Variants in FLT1 observed in about 807,000 individuals in gnomAD.
FLT1 encodes vascular endothelial growth factor receptor 1.
In FLT1, 49 loss-of-function variants were observed where a neutral mutation model predicts 156.3. The observed-to-expected ratio is 0.31, with a 90% confidence interval of 0.25 to 0.40. The LOEUF is 0.40. FLT1 is among the 10% of genes least tolerant of loss of function. The pLI, the probability that FLT1 is intolerant of heterozygous loss-of-function variation, is 1.00. For missense variants in FLT1, 1,322 were observed against 1,637.2 expected (o/e 0.81, Z 3.32); for synonymous variants, 594 against 583.8 (o/e 1.02, Z -0.25).
Position 28,494,722 on chromosome 13 carries a change from G to T in FLT1, c.64+58C>A. ...ACCCCGCCCTGGCCTCGGAGGCTCT[G>T]CCCTCCGGCCGCCCCATCGCAGCCC... On this transcript the variant is annotated intron_variant, in intron 1 of 29. Transcript: ENST00000282397. 2.2e-6 allele frequency: 3 copies of T among 1,383,094 alleles called. No individual in the cohort carries two copies. The South Asian group carries it at 3.7e-5, about 17-fold the overall frequency. The allele number at this position is 1,383,094 out of a possible 1,614,324, so 85.7% of individuals were successfully genotyped here. A position where few individuals can be genotyped will look rare whatever the true frequency, so the allele number is the denominator to read the frequency against.
chr13:28,388,434 TG>T lies in FLT1; in HGVS notation c.1969+1361del, dbSNP rs1031593016. 2.9e-6 allele frequency: 3 copies of T among 1,050,252 alleles called. No individual in the cohort carries two copies. In the African/African-American group the frequency reaches 5.0e-5, roughly 18 times the overall value. The allele number at this position is 1,050,252 out of a possible 1,614,324, so 65.1% of individuals were successfully genotyped here. On this transcript the variant is annotated intron_variant, in intron 13 of 29. Coordinates refer to ENST00000282397, the MANE Select transcript of FLT1 (RefSeq NM_002019.4). ...GCCCAGCCACTGTGTTTCTCAGCCA[TG>T]GCTATTTTGGTCATTATAGTTTTTT...
Position 28,474,653 on chromosome 13 carries a change from A to C in FLT1, c.65-7036T>G, listed in dbSNP as rs118151392. On this transcript the variant is annotated intron_variant, in intron 1 of 29. Transcript: ENST00000282397. ...ACAGGAAGGTAGATTAGTGGTTGCC[A>C]GGGCTTGCGGGGAGGGGATGGAGGG... Among the ~76,000 whole-genome samples, 1,203 of 152,272 alleles carry C rather than the reference A, an allele frequency of 7.9e-3. 6 individuals are homozygous for C. Among genetic ancestry groups the C allele is most frequent in the Middle Eastern group, 0.02 (6 of 294 alleles).
chr13:28,468,296 T>C (rs756488770), intron 1 of FLT1, among the ~76,000 whole-genome samples: 32 of 152,184 alleles, frequency 2.1e-4, no homozygotes, highest in Non-Finnish European at 4.4e-4. Context: ...CACGCTTACG[T>C]GACATTCGAC....
intron 13 of FLT1, chr13:28,389,529 C>A: frequency 7.0e-7 from 1 of 1,425,706 alleles, no homozygotes; most frequent in Non-Finnish European, 9.1e-7. Context: ...CCCCCCGGAG[C>A]AGCCCCCTCG....
chr13:28,331,174 G>C (rs1871915968), intron 18 of FLT1, among the ~76,000 whole-genome samples: 1 of 152,226 alleles, frequency 6.6e-6, no homozygotes, highest in African/African-American at 2.4e-5. Context: ...AAGTGGGTTA[G>C]AGGTATGTGC....
chr13:28,389,537 T>C (rs973561468), intron 13 of FLT1: 2 of 1,431,460 alleles, frequency 1.4e-6, no homozygotes, highest in South Asian at 3.1e-5. Context: ...AGCAGCCCCC[T>C]CGGCCTGAAT....
At chr13:28,473,814 GAAAGAAAGAAAGAAAGA>G (rs1566050824) in intron 1 of FLT1, among the ~76,000 whole-genome samples, 13 of 129,228 alleles carry the variant, frequency 1.0e-4, no homozygotes, top group South Asian at 7.0e-4. Context: ...AAGAAAGAAA[GAAAGAAAGAAAGAAAGA>G]AAGAAAGGAA....
chr13:28,418,594 A>G (rs9285357), intron 10 of FLT1, among the ~76,000 whole-genome samples: 144,694 of 152,168 alleles, frequency 0.95, 69,090 homozygotes, highest in East Asian at 1. Flanking sequence ...TTATTTATTT[A>G]AGACAGGGTC....
chr13:28,472,795 G>C (rs1226066146), intron 1 of FLT1, among the ~76,000 whole-genome samples: 1 of 152,202 alleles, frequency 6.6e-6, no homozygotes, highest in African/African-American at 2.4e-5. Flanking sequence ...CAGGAGATTA[G>C]GGTTCGGTTT....
At chr13:28,460,989 GTTTCACTACGTTGCCCAGGC>G (rs1879544217) in intron 3 of FLT1, among the ~76,000 whole-genome samples, 1 of 151,968 alleles carries the variant, frequency 6.6e-6, no homozygotes, top group African/African-American at 2.4e-5. Flanking sequence ...TTGAGACAGG[GTTTCACTACGTTGCCCAGGC>G]TGGAGTACAG....
At chr13:28,343,392 C>T (rs1353549480) in intron 16 of FLT1, among the ~76,000 whole-genome samples, 5 of 151,904 alleles carry the variant, frequency 3.3e-5, no homozygotes, top group East Asian at 1.9e-4. Context: ...CCTCCGCCCC[C>T]GGGTCCAAAC....
chr13:28,432,233 C>A (rs116892862), intron 6 of FLT1, among the ~76,000 whole-genome samples: 7,616 of 150,012 alleles, frequency 0.051, 282 homozygotes, highest in South Asian at 0.11. Flanking sequence ...CTGTCCAGAA[C>A]TGATTTTTGG....
intron 24 of FLT1, 149 bp from the exon 25 acceptor site, chr13:28,317,746 T>C: frequency 1.5e-6 from 1 of 686,508 alleles, no homozygotes; most frequent in Admixed American, 2.1e-5. Context: ...CAACATACCG[T>C]ACAACACACA....
At chr13:28,355,600 C>T (rs879772382) in intron 15 of FLT1, among the ~76,000 whole-genome samples, 12 of 152,204 alleles carry the variant, frequency 7.9e-5, no homozygotes, top group Admixed American at 2.0e-4. Context: ...GAAAGCATTT[C>T]AGCTGGCCTG....
chr13:28,481,989 GC>G (rs1880879587), intron 1 of FLT1, among the ~76,000 whole-genome samples: 3 of 152,144 alleles, frequency 2.0e-5, no homozygotes, highest in African/African-American at 7.2e-5. Flanking sequence ...AATCCCTTGA[GC>G]ATCTTTTAAA....
At chr13:28,432,717 G>A (rs1877768891) in intron 6 of FLT1, among the ~76,000 whole-genome samples, 1 of 152,236 alleles carries the variant, frequency 6.6e-6, no homozygotes, top group African/African-American at 2.4e-5. Flanking sequence ...CTGCTGGACA[G>A]TGCTGTTTTA....
intron 1 of FLT1, among the ~76,000 whole-genome samples, chr13:28,472,256 T>C (rs913710346): frequency 6.6e-6 from 1 of 152,234 alleles, no homozygotes; most frequent in Non-Finnish European, 1.5e-5. Context: ...TTTCTTTGAC[T>C]TCATTGGGAA....
intron 12 of FLT1, among the ~76,000 whole-genome samples, chr13:28,394,874 G>A (rs1171161851): frequency 6.6e-6 from 1 of 152,118 alleles, no homozygotes; most frequent in Non-Finnish European, 1.5e-5. Flanking sequence ...CCTAGGTCTG[G>A]CCTCCTGAGA....
chr13:28,429,803 A>T (rs1877564342), intron 8 of FLT1, among the ~76,000 whole-genome samples: 1 of 152,202 alleles, frequency 6.6e-6, no homozygotes, highest in African/African-American at 2.4e-5. Context: ...AAAGTTAGCC[A>T]CAGTAAGAGA....
Sources: gnomAD v4.1 joint callset for allele counts (sites outside exome capture counted in the v4.1 genomes callset) on GRCh38, gnomAD v4.1.1 for gene constraint, MANE v1.5 for transcripts, NCBI Gene and HGNC (gene_info 2026-07-23, HGNC 2026-07-21) for gene names.